Variants in DOCK4 observed in about 807,000 individuals in gnomAD.
DOCK4 encodes the protein dedicator of cytokinesis protein 4.
In DOCK4, 97 loss-of-function variants were observed where a neutral mutation model predicts 268.1. That is an observed-to-expected ratio of 0.36 (90% confidence interval 0.31 to 0.43). The LOEUF (loss-of-function observed/expected upper bound fraction) is 0.43. Ranked by LOEUF, DOCK4 falls within the 20% of genes least tolerant of loss-of-function variation. DOCK4 has a pLI of 1.00. For synonymous variants in DOCK4, 954 were observed against 887.2 expected (o/e 1.08, Z -1.34); for missense variants, 2,145 against 2,455.7 (o/e 0.87, Z 2.67).
intron 52 of DOCK4, 142 bp from the exon 53 acceptor site, chr7:111,728,862 A>C (rs1794862464): frequency 1.4e-6 from 1 of 736,974 alleles, no homozygotes; most frequent in Admixed American, 2.9e-5. Context: ...GCCTTTAAGG[A>C]GGTGATTAAG....
At chr7:111,851,685 G>A (rs10487333) in intron 23 of DOCK4, among the ~76,000 whole-genome samples, 29,872 of 151,706 alleles carry the variant, frequency 0.2, 3,651 homozygotes, top group African/African-American at 0.34. Context: ...TTAGATTAGA[G>A]TTCCAGTTCC....
intron 1 of DOCK4, among the ~76,000 whole-genome samples, chr7:112,102,853 A>G (rs1810817421): frequency 7.4e-6 from 1 of 135,078 alleles, no homozygotes; most frequent in African/African-American, 2.6e-5. Context: ...AATATATGCC[A>G]AACACTTTTT....
chr7:112,086,292 T>G (rs564964262), intron 1 of DOCK4, among the ~76,000 whole-genome samples: 1 of 152,234 alleles, frequency 6.6e-6, no homozygotes, highest in Non-Finnish European at 1.5e-5. Context: ...CATGCCCATT[T>G]AAATATAGGG....
At position 112,000,552 on chromosome 7, in the gene DOCK4, T is replaced by G. The variant is rs992437567; in HGVS notation, c.122-18A>C. 6.6e-7 allele frequency: 1 copy of G among 1,523,676 alleles called. No homozygotes were observed. The highest frequency in any genetic ancestry group is 1.4e-5 in the African/African-American group (1 of 73,086). 94.4% of individuals were successfully genotyped at this position (1,523,676 alleles called of 1,614,324 possible). A position where few individuals can be genotyped will look rare whatever the true frequency, so the allele number is the denominator to read the frequency against. Reference sequence around the variant, plus strand: ...GTACCAGCCTGTGGAAAAATAATCATGGTCATATTTTGATAAACCATTGTA... The same window carrying G: ...GTACCAGCCTGTGGAAAAATAATCAGGGTCATATTTTGATAAACCATTGTA... On this transcript the variant is annotated intron_variant, in intron 2 of 52. Coordinates refer to ENST00000428084, the MANE Select transcript of DOCK4 (RefSeq NM_001363540.2).
chr7:112,116,539 G>A (rs1812192060), intron 1 of DOCK4, among the ~76,000 whole-genome samples: 1 of 152,100 alleles, frequency 6.6e-6, no homozygotes. Context: ...TCACAAGTGG[G>A]GAAACCAGAA....
At chr7:111,807,902 A>T (rs1229303511) in intron 30 of DOCK4, 1 of 131,840 alleles carries the variant, frequency 7.6e-6, no homozygotes, top group Admixed American at 7.0e-5. Flanking sequence ...ATACCCTATT[A>T]AAAAAAAATC....
At chr7:111,918,268 C>T (rs186743749) in intron 12 of DOCK4, among the ~76,000 whole-genome samples, 15 of 152,256 alleles carry the variant, frequency 9.9e-5, no homozygotes, top group East Asian at 3.9e-4. Flanking sequence ...CAAGAGCTGT[C>T]GCGAGAATTA....
chr7:111,766,960 CATAGAACCACACTGG>C, intron 38 of DOCK4, 57 bp downstream of exon 38: 1 of 1,220,794 alleles, frequency 8.2e-7, no homozygotes, highest in Non-Finnish European at 1.2e-6. Flanking sequence ...AAGTTAATTT[CATAGAACCACACTGG>C]AAAGCTAATC....
chr7:112,135,361 C>T (rs932365953), intron 1 of DOCK4, among the ~76,000 whole-genome samples: 2 of 152,066 alleles, frequency 1.3e-5, no homozygotes, highest in Admixed American at 1.3e-4. Flanking sequence ...TCTATTCTTA[C>T]TTCTTCTCAT....
intron 16 of DOCK4, 81 bp downstream of exon 16, chr7:111,895,531 T>G: frequency 8.3e-7 from 1 of 1,209,304 alleles, no homozygotes; most frequent in Non-Finnish European, 1.2e-6. Flanking sequence ...CATTTTTTTC[T>G]CTTTTCAAAA....
At chr7:111,959,308 C>A (rs1408914394) in intron 8 of DOCK4, among the ~76,000 whole-genome samples, 1 of 152,144 alleles carries the variant, frequency 6.6e-6, no homozygotes, top group Non-Finnish European at 1.5e-5. Context: ...CCCTGCACGT[C>A]TGGCCGGTCA....
At chr7:111,885,111 T>C (rs1446559439) in intron 16 of DOCK4, among the ~76,000 whole-genome samples, 1 of 152,162 alleles carries the variant, frequency 6.6e-6, no homozygotes, top group East Asian at 1.9e-4. Context: ...GCTGGAAAAG[T>C]ATGGTTTGGC....
At position 111,943,413 on chromosome 7, in the gene DOCK4, G is replaced by A. The variant is rs190702608; in HGVS notation, c.844+1398C>T. On this transcript the variant is annotated intron_variant, in intron 10 of 52. Transcript: ENST00000428084. ...ACCCCAAATCCATAGATATCTTGGAGAAAGTTCTGAAAGCAAAAGTGGTTT... is the reference window on the plus strand; with the variant it reads ...ACCCCAAATCCATAGATATCTTGGAAAAAGTTCTGAAAGCAAAAGTGGTTT... Among the ~76,000 whole-genome samples, 1,100 of 152,278 alleles carry A rather than the reference G, an allele frequency of 7.2e-3. 7 individuals are homozygous for A. The highest frequency in any genetic ancestry group is 0.026 in the South Asian group (126 of 4,818).
chr7:111,902,390 A>C (rs1021882240), intron 13 of DOCK4, among the ~76,000 whole-genome samples: 68 of 152,328 alleles, frequency 4.5e-4, no homozygotes, highest in African/African-American at 1.6e-3. Context: ...CTATAAAACA[A>C]TTGAGAAAGG....
chr7:111,915,939 G>A, intron 12 of DOCK4, 35 bp from the exon 13 acceptor site: 2 of 1,592,316 alleles, frequency 1.3e-6, no homozygotes, highest in Non-Finnish European at 1.7e-6. Flanking sequence ...GTTAAAAACA[G>A]AATAGAAATA....
chr7:111,739,920 T>C (rs1274742864), intron 47 of DOCK4: 3 of 307,448 alleles, frequency 9.8e-6, no homozygotes, highest in African/African-American at 2.2e-5. Flanking sequence ...AGCTTAGTCT[T>C]ACTGAACTAT....
At chr7:111,864,233 T>C (rs992538104) in intron 22 of DOCK4, among the ~76,000 whole-genome samples, 3 of 131,260 alleles carry the variant, frequency 2.3e-5, no homozygotes, top group African/African-American at 9.3e-5. Context: ...CTAAGAACAA[T>C]ATTTTTATGT....
At chr7:111,947,634 A>G (rs905780882) in intron 8 of DOCK4, among the ~76,000 whole-genome samples, 4 of 152,246 alleles carry the variant, frequency 2.6e-5, no homozygotes, top group Admixed American at 6.5e-5. Context: ...ATGTTATCCA[A>G]TTGTCATTTA....
intron 40 of DOCK4, 67 bp from the exon 41 acceptor site, chr7:111,758,857 G>C (rs1797205965): frequency 6.8e-7 from 1 of 1,470,814 alleles, no homozygotes; most frequent in Non-Finnish European, 9.4e-7. Flanking sequence ...CTTGGGCTGA[G>C]CTATGGCAGA....
Sources: allele counts gnomAD v4.1 joint callset (sites outside exome capture counted in the v4.1 genomes callset), GRCh38; gene constraint gnomAD v4.1.1; transcripts MANE v1.5; gene names NCBI Gene and HGNC (gene_info 2026-07-23, HGNC 2026-07-21).